The following CASP4 variants were observed in gnomAD, a reference collection of about 807,000 sequenced individuals.
CASP4 encodes the protein caspase 4.
Under a neutral mutation model 41.3 loss-of-function variants are expected in CASP4, and 29 were observed. The observed-to-expected ratio is 0.70, with a 90% CI of 0.52 to 0.96. The LOEUF (loss-of-function observed/expected upper bound fraction) is 0.96, where lower values mean the gene tolerates loss of function less well. Among genes scored for constraint, CASP4 ranks in the 40% least tolerant of loss-of-function variants. The pLI is 0.00. For synonymous variants in CASP4, 185 were observed against 158.4 expected, an observed-to-expected ratio of 1.17 and a Z score of -1.26; for missense variants, 447 against 460.6, an observed-to-expected ratio of 0.97 and a Z score of 0.27.
chr11:104,943,294 T>A (rs769650129), intron 8 of CASP4: 1 of 263,932 alleles, frequency 3.8e-6, no homozygotes, highest in Non-Finnish European at 7.4e-6. Context: ...TGCCATTTTC[T>A]CCACTCACGT....
rs1860696827 is a variant in CASP4, at chr11:104,954,808, C to G, written c.201G>C (p.Met67Ile). The G allele has an allele frequency of 6.2e-7, 1 of 1,613,588 alleles. No homozygotes were observed. Among genetic ancestry groups the G allele is most frequent in the East Asian group, 2.2e-5 (1 of 44,868 alleles). ...MADSMQEKQR[M>I]AGQMLLQTFF... ...AGGTTTGAAGAAGCATTTGTCCTGC[C>G]ATACGTTGCTTCTCTTGCATAGAGT... Residue 67 changes from methionine (M) to isoleucine (I), a missense_variant, in exon 2 of 9, where the codon ATG (methionine) becomes ATC (isoleucine). Transcript: ENST00000444739.
At chr11:104,943,610 G>C (rs1284655636) in intron 8 of CASP4, 1 of 152,172 alleles carries the variant, frequency 6.6e-6, no homozygotes, top group Non-Finnish European at 1.5e-5. Context: ...TGTCTTCAGA[G>C]TCTGTTTCTA....
At chr11:104,943,125 T>G (rs1294526839) in intron 8 of CASP4, 152 bp from the exon 9 acceptor site, 1 of 362,960 alleles carries the variant, frequency 2.8e-6, no homozygotes, top group East Asian at 7.4e-5. Flanking sequence ...TTCACCAAAA[T>G]GTGATCTTTG....
At chr11:104,967,243 A>T (rs1860994560) in intron 1 of CASP4, among the ~76,000 whole-genome samples, 1 of 152,198 alleles carries the variant, frequency 6.6e-6, no homozygotes, top group South Asian at 2.1e-4. Flanking sequence ...CCCTATCTTT[A>T]TCTAATGATC....
At chr11:104,954,289 G>A (rs769911682) in intron 2 of CASP4, among the ~76,000 whole-genome samples, 1 of 152,146 alleles carries the variant, frequency 6.6e-6, no homozygotes, top group Non-Finnish European at 1.5e-5. Context: ...AGTTCCGGAT[G>A]AGAGCTAATA....
intron 7 of CASP4, 166 bp downstream of exon 7, chr11:104,946,917 T>C (rs1860474119): frequency 1.8e-6 from 1 of 545,764 alleles, no homozygotes; most frequent in Non-Finnish European, 3.3e-6. Context: ...CTGGGATATA[T>C]TGGAATTGTC....
At chr11:104,953,827 A>G (rs969913185) in intron 2 of CASP4, among the ~76,000 whole-genome samples, 2 of 152,128 alleles carry the variant, frequency 1.3e-5, no homozygotes, top group African/African-American at 4.8e-5. Context: ...ACGTAATTCA[A>G]TCTGGGTCAA....
chr11:104,955,526 T>C (rs1183211237), intron 1 of CASP4, among the ~76,000 whole-genome samples: 1 of 151,794 alleles, frequency 6.6e-6, no homozygotes, highest in Non-Finnish European at 1.5e-5. Flanking sequence ...ATCTTTGTAT[T>C]CAAAATGTTT....
chr11:104,948,923 T>A lies in CASP4; in HGVS notation c.782-247A>T, dbSNP rs562422946. On this transcript the variant is annotated intron_variant, in intron 5 of 8. Transcript: ENST00000444739. ...AATTTACCATTTTCTAGAAAAAAAATCTGTTTTCTTTTGAAAAATAGCTCC... is the reference window on the plus strand; with the variant it reads ...AATTTACCATTTTCTAGAAAAAAAAACTGTTTTCTTTTGAAAAATAGCTCC... The A allele has an allele frequency of 2.9e-4, 88 of 305,068 alleles. 1 individual carries two copies. The highest frequency in any genetic ancestry group is 1.8e-3 in the Middle Eastern group (2 of 1,104). The allele number at this position is 305,068 out of a possible 1,614,324, so 18.9% of individuals were successfully genotyped here.
chr11:104,968,436 C>A, intron 1 of CASP4, 83 bp downstream of exon 1: 1 of 1,284,228 alleles, frequency 7.8e-7, no homozygotes, highest in South Asian at 1.2e-5. Flanking sequence ...CGGCTCACTT[C>A]CTTTCTTGTG....
At chr11:104,944,009 A>G (rs773739968) in intron 8 of CASP4, 2 of 152,220 alleles carry the variant, frequency 1.3e-5, no homozygotes, top group Non-Finnish European at 2.9e-5. Context: ...TCCAGACTCA[A>G]TGTACCCATT....
chr11:104,943,193 G>C (rs377535793), intron 8 of CASP4: 1 of 318,130 alleles, frequency 3.1e-6, no homozygotes, highest in Non-Finnish European at 6.2e-6. Context: ...AAGGCTTCCT[G>C]TCTCGCTCAG....
chr11:104,963,705 G>C (rs1280574881), intron 1 of CASP4, among the ~76,000 whole-genome samples: 1 of 152,130 alleles, frequency 6.6e-6, no homozygotes, highest in East Asian at 1.9e-4. Context: ...ACTTCCATGG[G>C]GGATGGGCTG....
chr11:104,956,101 G>T (rs1428724760), intron 1 of CASP4, among the ~76,000 whole-genome samples: 5 of 151,886 alleles, frequency 3.3e-5, no homozygotes, highest in African/African-American at 1.2e-4. Context: ...TATCTCCCAT[G>T]TACTTATTAT....
intron 6 of CASP4, 184 bp from the exon 7 acceptor site, chr11:104,947,376 C>T: frequency 2.6e-6 from 1 of 387,896 alleles, no homozygotes; most frequent in Non-Finnish European, 4.6e-6. Context: ...GAAAACCTAG[C>T]AAAAGGTGAT....
intron 7 of CASP4, among the ~76,000 whole-genome samples, chr11:104,945,252 CTTT>C (rs150869769): frequency 0.91 from 129,995 of 142,426 alleles, 60,200 homozygotes; most frequent in East Asian, 0.99. Flanking sequence ...TCTTATCTTT[CTTT>C]TTTTTTTTTT....
chr11:104,951,360 T>C (rs1860609183), intron 3 of CASP4: 2 of 314,538 alleles, frequency 6.4e-6, no homozygotes, highest in African/African-American at 2.2e-5. Context: ...CAATCTTTCT[T>C]AGCATTCAAA....
chr11:104,949,232 C>A, intron 5 of CASP4: 1 of 391,134 alleles, frequency 2.6e-6, no homozygotes, highest in Non-Finnish European at 4.7e-6. Context: ...TTCTGTAAAA[C>A]ATTTACAAAT....
intron 8 of CASP4, chr11:104,944,545 G>T: frequency 2.0e-6 from 1 of 499,500 alleles, no homozygotes; most frequent in Non-Finnish European, 3.6e-6. Context: ...TTGATTGATT[G>T]ATTGATTGCC....
Sources: gnomAD v4.1 joint callset for allele counts (sites outside exome capture counted in the v4.1 genomes callset) on GRCh38, gnomAD v4.1.1 for gene constraint, MANE v1.5 for transcripts, NCBI Gene and HGNC (gene_info 2026-07-23, HGNC 2026-07-21) for gene names.